RPS6KA5: variants seen among roughly 807,000 people sequenced by gnomAD.
RPS6KA5 encodes the protein ribosomal protein S6 kinase alpha-5.
In RPS6KA5, 27 loss-of-function variants were observed where a neutral mutation model predicts 85.5. The observed-to-expected ratio is 0.32, with a 90% CI of 0.23 to 0.44. The LOEUF (loss-of-function observed/expected upper bound fraction) is 0.44. RPS6KA5 is among the 20% of genes least tolerant of loss of function. The pLI is 1.00. For missense variants in RPS6KA5, 811 were observed against 980.9 expected (o/e 0.83, Z 2.31); for synonymous variants, 334 against 348.2 (o/e 0.96, Z 0.46).
At chr14:90,876,126 G>T (rs1417850261) in intron 14 of RPS6KA5, among the ~76,000 whole-genome samples, 2 of 152,092 alleles carry the variant, frequency 1.3e-5, no homozygotes, top group Non-Finnish European at 2.9e-5. Context: ...CAGTGGCATG[G>T]CTTGTTATGA....
intron 3 of RPS6KA5, 62 bp downstream of exon 3, chr14:90,978,244 T>C: frequency 1.6e-6 from 2 of 1,269,724 alleles, no homozygotes; most frequent in Non-Finnish European, 2.2e-6. Flanking sequence ...TTTAAGTACA[T>C]TATAACTTAA....
chr14:90,986,194 T>C (rs2040046740), intron 2 of RPS6KA5, among the ~76,000 whole-genome samples: 1 of 152,168 alleles, frequency 6.6e-6, no homozygotes, highest in South Asian at 2.1e-4. Context: ...ACATTTTAAG[T>C]AAAAAATGTT....
chr14:90,950,743 G>C (rs1341784152), intron 3 of RPS6KA5, among the ~76,000 whole-genome samples: 2 of 152,118 alleles, frequency 1.3e-5, no homozygotes, highest in Non-Finnish European at 2.9e-5. Flanking sequence ...ATTCCACTTG[G>C]CCATGGCATG....
intron 15 of RPS6KA5, among the ~76,000 whole-genome samples, chr14:90,874,179 G>A (rs1323023854): frequency 6.6e-6 from 1 of 152,220 alleles, no homozygotes; most frequent in Non-Finnish European, 1.5e-5. Flanking sequence ...TAAGGCACTA[G>A]AGATATGGAG....
At chr14:91,025,048 CT>C (rs142091860) in intron 1 of RPS6KA5, among the ~76,000 whole-genome samples, 30 of 145,266 alleles carry the variant, frequency 2.1e-4, no homozygotes, top group Admixed American at 2.8e-4. Context: ...GCCAGTCTAA[CT>C]TTTTTTTTTA....
At chr14:90,962,867 G>A (rs76213442) in intron 3 of RPS6KA5, among the ~76,000 whole-genome samples, 2,021 of 152,074 alleles carry the variant, frequency 0.013, 56 homozygotes, top group African/African-American at 0.046. Context: ...TGGAGATATC[G>A]TGCTCCTCTA....
intron 3 of RPS6KA5, among the ~76,000 whole-genome samples, chr14:90,963,711 A>C (rs1486861834): frequency 6.6e-6 from 1 of 152,226 alleles, no homozygotes; most frequent in Non-Finnish European, 1.5e-5. Flanking sequence ...CATTTAAGCC[A>C]ATCAACTCCA....
At chr14:90,898,687 G>A (rs898420510) in intron 12 of RPS6KA5, among the ~76,000 whole-genome samples, 3 of 151,990 alleles carry the variant, frequency 2.0e-5, no homozygotes, top group Admixed American at 2.0e-4. Flanking sequence ...CTCAGGGGCA[G>A]AGAAGTGTAA....
chr14:90,897,000 G>T (rs761513581), intron 12 of RPS6KA5, among the ~76,000 whole-genome samples: 1 of 152,154 alleles, frequency 6.6e-6, no homozygotes, highest in Non-Finnish European at 1.5e-5. Flanking sequence ...TGGAATTACA[G>T]GCATGAGCCA....
At chr14:90,942,927 T>C in intron 5 of RPS6KA5, 151 bp downstream of exon 5, 2 of 623,838 alleles carry the variant, frequency 3.2e-6, no homozygotes. Flanking sequence ...ATACGAATTT[T>C]AAACTAAAAA....
chr14:91,021,532 C>A (rs1182415643), intron 1 of RPS6KA5, among the ~76,000 whole-genome samples: 1 of 152,152 alleles, frequency 6.6e-6, no homozygotes, highest in Non-Finnish European at 1.5e-5. Context: ...CCTGCCTCAG[C>A]CTCCTGAGTA....
At chr14:90,963,147 A>G (rs1459678012) in intron 3 of RPS6KA5, among the ~76,000 whole-genome samples, 1 of 152,192 alleles carries the variant, frequency 6.6e-6, no homozygotes, top group African/African-American at 2.4e-5. Context: ...ATCTTTGAAG[A>G]GGACAGACCT....
At chr14:90,936,549 C>A (rs567898859) in intron 5 of RPS6KA5, among the ~76,000 whole-genome samples, 1 of 151,612 alleles carries the variant, frequency 6.6e-6, no homozygotes, top group African/African-American at 2.4e-5. Flanking sequence ...AAGACCCCAT[C>A]TTTTAAAAAA....
At chr14:91,049,275 G>A (rs1029609402) in intron 1 of RPS6KA5, among the ~76,000 whole-genome samples, 8 of 152,182 alleles carry the variant, frequency 5.3e-5, no homozygotes, top group Admixed American at 5.2e-4. Flanking sequence ...AAAAGATAGA[G>A]CACAAGTTCT....
At chr14:90,876,998 AT>A (rs1308639581) in intron 14 of RPS6KA5, among the ~76,000 whole-genome samples, 1 of 152,230 alleles carries the variant, frequency 6.6e-6, no homozygotes, top group East Asian at 1.9e-4. Context: ...TAAAAATAAC[AT>A]AAAAAGGACA....
chr14:91,060,634 A>C lies in RPS6KA5; in HGVS notation c.-200T>G. On this transcript the variant is annotated 5_prime_UTR_variant, in exon 1 of 17. Transcript: ENST00000614987. ...TCCTCCCCCTTCGGCGGGCACCGCT[A>C]GTACCGCGCAACCAAACCGCCCCCT... 1 of 661,578 alleles carries C rather than the reference A, an allele frequency of 1.5e-6. No homozygotes were observed. The highest frequency in any genetic ancestry group is 1.9e-5 in the African/African-American group (1 of 53,144). The allele number at this position is 661,578 out of a possible 1,614,324, so 41.0% of individuals were successfully genotyped here.
chr14:90,922,125 T>C (rs1194346327), intron 6 of RPS6KA5, among the ~76,000 whole-genome samples: 1 of 152,210 alleles, frequency 6.6e-6, no homozygotes, highest in East Asian at 1.9e-4. Flanking sequence ...AAAATATTTA[T>C]TTCTGTTGGG....
intron 7 of RPS6KA5, among the ~76,000 whole-genome samples, chr14:90,916,559 G>A (rs921602328): frequency 1.3e-5 from 2 of 152,000 alleles, no homozygotes; most frequent in Non-Finnish European, 2.9e-5. Context: ...GACAGATAAT[G>A]GCACATTTAT....
Position 90,899,338 on chromosome 14 carries a change from A to G in RPS6KA5, c.1464T>C (p.Phe488=), listed in dbSNP as rs1383283438. Residue 488 remains phenylalanine, a synonymous_variant, in exon 12 of 17, where the codon TTT becomes TTC. Coordinates refer to ENST00000614987, the MANE Select transcript of RPS6KA5 (RefSeq NM_004755.4). Reference sequence around the variant, plus strand: ...AAAAAAAGTAGGATACCTGATCATGAAAAACTTCATGCAACTTCACAATAT... The same window carrying G: ...AAAAAAAGTAGGATACCTGATCATGGAAAACTTCATGCAACTTCACAATAT... ...HPNIVKLHEV[F]HDQLHTFLVM... is the part of the protein sequence containing the mutation. The G allele has an allele frequency of 1.2e-6, 2 of 1,601,666 alleles. No individual in the cohort carries two copies.
Sources: allele counts gnomAD v4.1 joint callset (sites outside exome capture counted in the v4.1 genomes callset), GRCh38; gene constraint gnomAD v4.1.1; transcripts MANE v1.5; gene names NCBI Gene and HGNC (gene_info 2026-07-23, HGNC 2026-07-21).